Variants in FRMD4A observed in about 807,000 individuals in gnomAD.
FRMD4A encodes FERM domain-containing protein 4A.
A neutral mutation model predicts 129.1 loss-of-function variants in FRMD4A; 29 were observed. That is an observed-to-expected ratio of 0.22 (90% CI 0.17 to 0.31). FRMD4A has a LOEUF of 0.31. FRMD4A is among the 10% of genes least tolerant of loss of function. The pLI, the probability that FRMD4A is intolerant of heterozygous loss-of-function variation, is 1.00. For synonymous variants in FRMD4A, 634 were observed against 571.6 expected (o/e 1.11, Z -1.56); for missense variants, 1,272 against 1,375.8 (o/e 0.92, Z 1.19).
intron 5 of FRMD4A, among the ~76,000 whole-genome samples, chr10:13,787,722 G>A (rs1374685907): frequency 3.3e-5 from 5 of 151,508 alleles, no homozygotes; most frequent in Admixed American, 6.6e-5. Flanking sequence ...ACCTCCCAAA[G>A]TACTCAGGTT....
At chr10:13,962,614 AAT>A (rs112378201) in intron 2 of FRMD4A, among the ~76,000 whole-genome samples, 10 of 152,274 alleles carry the variant, frequency 6.6e-5, no homozygotes, top group African/African-American at 1.9e-4. Context: ...CTCCCAAACA[AAT>A]ACAAATTAAG....
chr10:13,937,427 C>T (rs2095257840), intron 2 of FRMD4A, among the ~76,000 whole-genome samples: 2 of 152,150 alleles, frequency 1.3e-5, no homozygotes, highest in South Asian at 2.1e-4. Context: ...CTACAACTCC[C>T]GTCACCAACC....
At chr10:13,682,982 C>G (rs941186454) in intron 15 of FRMD4A, among the ~76,000 whole-genome samples, 4 of 152,124 alleles carry the variant, frequency 2.6e-5, no homozygotes, top group Non-Finnish European at 5.9e-5. Context: ...CATCGACTCC[C>G]AAGTGGGGGC....
chr10:14,043,670 G>A (rs1432545204), intron 2 of FRMD4A, among the ~76,000 whole-genome samples: 2 of 152,202 alleles, frequency 1.3e-5, no homozygotes, highest in East Asian at 3.8e-4. Flanking sequence ...CTGCACAGCT[G>A]CCTGGACAGG....
intron 2 of FRMD4A, among the ~76,000 whole-genome samples, chr10:14,126,145 T>C (rs77773792): frequency 0.062 from 9,181 of 148,510 alleles, 450 homozygotes; most frequent in African/African-American, 0.14. Context: ...CCTTATGTCC[T>C]CACCCATCAC....
At chr10:13,828,887 C>G (rs1316194964) in intron 3 of FRMD4A, among the ~76,000 whole-genome samples, 1 of 152,138 alleles carries the variant, frequency 6.6e-6, no homozygotes, top group Admixed American at 6.5e-5. Context: ...GATTCCATGT[C>G]TTTACTATTG....
chr10:14,024,375 C>T (rs976773534), intron 2 of FRMD4A, among the ~76,000 whole-genome samples: 4 of 152,208 alleles, frequency 2.6e-5, no homozygotes, highest in African/African-American at 9.7e-5. Context: ...TGAGCAGGTG[C>T]TCCAGTGTCA....
chr10:14,014,928 ACTTCTTCCTTT>A (rs2095693440), intron 2 of FRMD4A, among the ~76,000 whole-genome samples: 1 of 81,504 alleles, frequency 1.2e-5, no homozygotes, highest in African/African-American at 4.9e-5. Flanking sequence ...TCCTTTCCTT[ACTTCTTCCTTT>A]CTTCTTCCTT....
At chr10:13,928,764 G>C (rs1232566481) in intron 2 of FRMD4A, among the ~76,000 whole-genome samples, 2 of 152,164 alleles carry the variant, frequency 1.3e-5, no homozygotes. Context: ...CTGCCCCAGT[G>C]CTAGGGGCTG....
At chr10:13,732,460 C>A (rs557965674) in intron 12 of FRMD4A, among the ~76,000 whole-genome samples, 66 of 152,300 alleles carry the variant, frequency 4.3e-4, no homozygotes, top group Non-Finnish European at 8.2e-4. Flanking sequence ...CCTCTGGGCT[C>A]TGAAAAGGAG....
At chr10:14,045,984 ATTC>A (rs1461603629) in intron 2 of FRMD4A, among the ~76,000 whole-genome samples, 1 of 149,598 alleles carries the variant, frequency 6.7e-6, no homozygotes, top group African/African-American at 2.4e-5. Flanking sequence ...CATACATATT[ATTC>A]AATGTTATAC....
chr10:14,057,796 C>G (rs558641457), intron 2 of FRMD4A, among the ~76,000 whole-genome samples: 1 of 152,326 alleles, frequency 6.6e-6, no homozygotes, highest in East Asian at 1.9e-4. Context: ...TCTCAAACTC[C>G]TGACCTCAGG....
chr10:14,270,393 G>A (rs1406827231), intron 2 of FRMD4A, among the ~76,000 whole-genome samples: 1 of 152,162 alleles, frequency 6.6e-6, no homozygotes, highest in Non-Finnish European at 1.5e-5. Flanking sequence ...CTGGGGATTA[G>A]GACAAGGGCA....
chr10:13,712,981 A>G (rs1269146505), intron 12 of FRMD4A, among the ~76,000 whole-genome samples: 1 of 152,194 alleles, frequency 6.6e-6, no homozygotes, highest in Admixed American at 6.5e-5. Flanking sequence ...GCCAGCATTT[A>G]TGGAGAGCTG....
intron 18 of FRMD4A, among the ~76,000 whole-genome samples, chr10:13,663,943 A>G (rs1029674770): frequency 6.6e-6 from 1 of 152,250 alleles, no homozygotes; most frequent in Non-Finnish European, 1.5e-5. Context: ...CTTCTGTGGC[A>G]ATAAATGGCT....
intron 3 of FRMD4A, among the ~76,000 whole-genome samples, chr10:13,830,644 T>G (rs1340694533): frequency 6.6e-6 from 1 of 152,128 alleles, no homozygotes; most frequent in Admixed American, 6.5e-5. Flanking sequence ...ATTGAAGGCT[T>G]TATGGGAGGC....
intron 2 of FRMD4A, among the ~76,000 whole-genome samples, chr10:14,204,785 G>A (rs1842732862): frequency 6.6e-6 from 1 of 152,118 alleles, no homozygotes; most frequent in African/African-American, 2.4e-5. Context: ...TAGCAGGAAG[G>A]AGCAGAGAGA....
intron 2 of FRMD4A, among the ~76,000 whole-genome samples, chr10:13,983,917 C>A (rs951999626): frequency 2.0e-5 from 3 of 151,714 alleles, no homozygotes; most frequent in South Asian, 2.1e-4. Context: ...GCAGGAGAAT[C>A]GCTTGAACCT....
intron 2 of FRMD4A, among the ~76,000 whole-genome samples, chr10:14,174,534 G>GTTCATTCATTCATTCATTCATTCA (rs3033997): frequency 1.3e-5 from 2 of 150,402 alleles, no homozygotes; most frequent in African/African-American, 4.9e-5. Context: ...GCGTTTGTTC[G>GTTCATTCATTCATTCATTCATTCA]TTCATTCATT....
Sources: gnomAD v4.1 joint callset for allele counts (sites outside exome capture counted in the v4.1 genomes callset) on GRCh38, gnomAD v4.1.1 for gene constraint, MANE v1.5 for transcripts, NCBI Gene and HGNC (gene_info 2026-07-23, HGNC 2026-07-21) for gene names.